Variants in RIC1 observed in about 807,000 individuals in gnomAD.
RIC1 encodes the protein RIC1 partner of RAB6A GEF complex.
A neutral mutation model predicts 169.0 loss-of-function variants in RIC1; 88 were observed. The ratio of observed to expected loss-of-function variants is 0.52; its 90% CI spans 0.44 to 0.62. The LOEUF (loss-of-function observed/expected upper bound fraction) is 0.62. Ranked by LOEUF, RIC1 falls within the 20% of genes least tolerant of loss-of-function variation. The pLI, the probability that RIC1 is intolerant of heterozygous loss-of-function variation, is 0.00. For missense variants in RIC1, 1,877 were observed against 1,725.5 expected (o/e 1.09, Z -1.56); for synonymous variants, 790 against 601.5 (o/e 1.31, Z -4.59).
At chr9:5,737,137 A>C (rs572852009) in intron 7 of RIC1, among the ~76,000 whole-genome samples, 65 of 152,206 alleles carry the variant, frequency 4.3e-4, no homozygotes, top group Non-Finnish European at 7.9e-4. Flanking sequence ...CTCATTTTCA[A>C]ATGCTGAATG....
At chr9:5,676,824 T>C (rs1428007318) in intron 2 of RIC1, among the ~76,000 whole-genome samples, 5 of 152,364 alleles carry the variant, frequency 3.3e-5, no homozygotes, top group Non-Finnish European at 7.3e-5. Context: ...TTTTTCTAGT[T>C]TCTCTCAGCA....
chr9:5,701,224 A>T (rs1302952497), intron 3 of RIC1, among the ~76,000 whole-genome samples: 1 of 152,204 alleles, frequency 6.6e-6, no homozygotes, highest in African/African-American at 2.4e-5. Context: ...GGATGTGTAC[A>T]TAGCACTCCT....
intron 2 of RIC1, among the ~76,000 whole-genome samples, chr9:5,673,384 G>C (rs1004235105): frequency 6.6e-5 from 10 of 151,600 alleles, no homozygotes; most frequent in Non-Finnish European, 1.2e-4. Flanking sequence ...GGAATTCTAG[G>C]AACAAGTAGA....
At chr9:5,688,851 A>G (rs1821416772) in intron 2 of RIC1, among the ~76,000 whole-genome samples, 1 of 152,116 alleles carries the variant, frequency 6.6e-6, no homozygotes, top group South Asian at 2.1e-4. Context: ...ATTCAGTATT[A>G]CTGTAAAGTA....
chr9:5,732,002 T>C (rs1188545634), intron 6 of RIC1, among the ~76,000 whole-genome samples: 1 of 152,226 alleles, frequency 6.6e-6, no homozygotes, highest in Admixed American at 6.5e-5. Context: ...AGTTAAATAC[T>C]ATGTGCTAGG....
chr9:5,708,224 A>G (rs1822713506), intron 3 of RIC1, among the ~76,000 whole-genome samples: 1 of 152,102 alleles, frequency 6.6e-6, no homozygotes, highest in African/African-American at 2.4e-5. Context: ...GACAAATTAC[A>G]TCTTTATACA....
intron 7 of RIC1, among the ~76,000 whole-genome samples, chr9:5,734,053 T>G (rs563010647): frequency 2.7e-5 from 4 of 147,206 alleles, no homozygotes; most frequent in Non-Finnish European, 6.0e-5. Context: ...GATATATATA[T>G]TTAAATATTA....
At chr9:5,630,764 G>GTA (rs756687859) in intron 1 of RIC1, among the ~76,000 whole-genome samples, 3 of 152,098 alleles carry the variant, frequency 2.0e-5, no homozygotes, top group East Asian at 3.8e-4. Flanking sequence ...ATGTGTGTGT[G>GTA]TATATATATA....
intron 1 of RIC1, among the ~76,000 whole-genome samples, chr9:5,655,691 G>A (rs1819056432): frequency 6.6e-6 from 1 of 152,160 alleles, no homozygotes; most frequent in African/African-American, 2.4e-5. Flanking sequence ...GTAGCCTGTT[G>A]ATGTGATGGA....
At chr9:5,702,278 G>A (rs181013257) in intron 3 of RIC1, among the ~76,000 whole-genome samples, 42 of 152,252 alleles carry the variant, frequency 2.8e-4, no homozygotes, top group South Asian at 6.2e-4. Flanking sequence ...GAGTCATGAG[G>A]TATATTAGTC....
intron 3 of RIC1, among the ~76,000 whole-genome samples, chr9:5,711,234 T>A (rs1822910317): frequency 6.6e-6 from 1 of 152,138 alleles, no homozygotes; most frequent in South Asian, 2.1e-4. Flanking sequence ...CTTGAGAATC[T>A]AAAAGGACAT....
chr9:5,698,673 A>G (rs1473585198), intron 3 of RIC1, among the ~76,000 whole-genome samples: 1 of 152,188 alleles, frequency 6.6e-6, no homozygotes, highest in African/African-American at 2.4e-5. Context: ...TCCAGTTCAG[A>G]TTCTGCTTTT....
At chr9:5,695,595 C>CA (rs1821848045) in intron 3 of RIC1, among the ~76,000 whole-genome samples, 1 of 134,060 alleles carries the variant, frequency 7.5e-6, no homozygotes, top group Non-Finnish European at 1.6e-5. Context: ...TTTTTTGAGA[C>CA]AGAGTCTCGC....
At position 5,770,191 on chromosome 9, in the gene RIC1, A is replaced by G. The variant is rs751958368; in HGVS notation, c.3529A>G (p.Ile1177Val). The stretch of plus-strand genomic sequence containing the variant: ...GCGAAGTCAGAGCTGGCTCAGCAAC[A>G]TTGGCCCCACCCATCATGAGATAGA... The part of the protein sequence containing the change: ...IQRSQSWLSN[I>V]GPTHHEIDTA... The change falls in exon 23 of 26, where the codon ATT becomes GTT. Residue 1177 changes from isoleucine to valine, a missense_variant. Ile to Val is a conservative substitution (Grantham distance 29, BLOSUM62 3). Around this residue, in one of 3 missense-constraint regions of RIC1, gnomAD observed 681 missense variants for 582.0 expected, o/e 1.17. Transcript: ENST00000414202. 3 of 1,614,014 alleles carry G rather than the reference A, an allele frequency of 1.9e-6. No individual in the cohort carries two copies. Among genetic ancestry groups the G allele is most frequent in the South Asian group, 2.2e-5 (2 of 91,068 alleles).
intron 2 of RIC1, among the ~76,000 whole-genome samples, chr9:5,670,198 T>C (rs1327740904): frequency 1.3e-5 from 2 of 152,202 alleles, no homozygotes; most frequent in African/African-American, 4.8e-5. Flanking sequence ...GTGGGAAAAA[T>C]TGGCTGTGGA....
At chr9:5,669,646 CAGTA>C (rs1360998615) in intron 2 of RIC1, among the ~76,000 whole-genome samples, 1 of 152,078 alleles carries the variant, frequency 6.6e-6, no homozygotes, top group Non-Finnish European at 1.5e-5. Context: ...TGTTGAAACA[CAGTA>C]AGGAAAACTT....
chr9:5,632,944 T>C (rs1157139038), intron 1 of RIC1, among the ~76,000 whole-genome samples: 1 of 152,182 alleles, frequency 6.6e-6, no homozygotes, highest in East Asian at 1.9e-4. Flanking sequence ...TAAATTAGCT[T>C]CAGAAGTATT....
At chr9:5,744,351 T>A (rs532669129) in intron 10 of RIC1, among the ~76,000 whole-genome samples, 34 of 152,302 alleles carry the variant, frequency 2.2e-4, no homozygotes, top group Non-Finnish European at 4.1e-4. Context: ...TATATCTATA[T>A]ATATGTATAC....
At chr9:5,684,733 A>T (rs1418405612) in intron 2 of RIC1, among the ~76,000 whole-genome samples, 3 of 152,118 alleles carry the variant, frequency 2.0e-5, no homozygotes, top group Non-Finnish European at 4.4e-5. Flanking sequence ...TACTGCCTAG[A>T]GTCTAGACAG....
Sources: allele counts gnomAD v4.1 joint callset (sites outside exome capture counted in the v4.1 genomes callset), GRCh38; gene constraint gnomAD v4.1.1; regional missense constraint gnomAD v4.1.1; transcripts MANE v1.5; gene names NCBI Gene and HGNC (gene_info 2026-07-23, HGNC 2026-07-21).